Variants in SLC14A2 observed in about 807,000 individuals in gnomAD.
The protein encoded by SLC14A2 is solute carrier family 14 member 2.
Under a neutral mutation model 104.6 loss-of-function variants are expected in SLC14A2, and 91 were observed. The ratio of observed to expected loss-of-function variants is 0.87; its 90% CI spans 0.73 to 1.04. SLC14A2 has a LOEUF of 1.04. Among genes scored for constraint, SLC14A2 ranks in the 50% least tolerant of loss-of-function variants. SLC14A2 has a pLI of 0.00. For synonymous variants in SLC14A2, 476 were observed against 466.4 expected (o/e 1.02, Z -0.27); for missense variants, 1,189 against 1,156.0 (o/e 1.03, Z -0.41).
In SLC14A2 at chr18:45,566,515, GCACACA is replaced by G. The variant is rs66828313; in HGVS notation, c.-34-58089_-34-58084del. On this transcript the variant is annotated intron_variant, in intron 2 of 20. Coordinates refer to the SLC14A2 transcript ENST00000586448. ...CATGCATGTACATGCGCTCACGCTC[GCACACA>G]CACACACACACACACACACACACAC... Among the ~76,000 whole-genome samples, 355 of 150,070 alleles carry G rather than the reference GCACACA, an allele frequency of 2.4e-3. 4 individuals carry two copies. The highest frequency in any genetic ancestry group is 6.8e-3 in the African/African-American group (279 of 40,846).
At chr18:45,354,077 G>A (rs575553728) in intron 1 of SLC14A2, among the ~76,000 whole-genome samples, 118 of 152,180 alleles carry the variant, frequency 7.8e-4, no homozygotes, top group African/African-American at 2.7e-3. Context: ...GTAATTTTTC[G>A]CAGGGGGTAG....
intron 11 of SLC14A2, among the ~76,000 whole-genome samples, chr18:45,664,149 A>G (rs747848583): frequency 1.1e-4 from 16 of 152,178 alleles, no homozygotes; most frequent in African/African-American, 1.7e-4. Flanking sequence ...CTGGCTGCAC[A>G]TTGGAATCAC....
intron 1 of SLC14A2, among the ~76,000 whole-genome samples, chr18:45,314,182 T>C (rs915416889): frequency 2.6e-5 from 4 of 152,194 alleles, no homozygotes; most frequent in Non-Finnish European, 4.4e-5. Flanking sequence ...TTGCCCTTGA[T>C]CATGAGGGTG....
At chr18:45,212,350 G>A (rs533833983), upstream of SLC14A2, among the ~76,000 whole-genome samples, 3 of 152,188 alleles carry the variant, frequency 2.0e-5, no homozygotes, top group South Asian at 6.2e-4. Context: ...AGCAGAACTG[G>A]ATTTTAATCC....
At chr18:45,276,769 AC>A (rs922280501) in intron 1 of SLC14A2, among the ~76,000 whole-genome samples, 12 of 152,172 alleles carry the variant, frequency 7.9e-5, no homozygotes, top group Non-Finnish European at 1.6e-4. Context: ...TTGGTCTGCA[AC>A]CTCCAATGCA....
the SLC14A2 span, among the ~76,000 whole-genome samples, chr18:45,183,055 T>A: frequency 2.0e-5 from 3 of 152,224 alleles, no homozygotes; most frequent in Non-Finnish European, 2.9e-5. Flanking sequence ...ATTAGAATTA[T>A]GAACAGTTAG....
At chr18:45,408,629 G>A (rs920584344) in intron 1 of SLC14A2, among the ~76,000 whole-genome samples, 11 of 152,164 alleles carry the variant, frequency 7.2e-5, no homozygotes, top group Non-Finnish European at 2.9e-5. Flanking sequence ...GTGGATTAAT[G>A]AGGCCATTAA....
At position 45,322,697 on chromosome 18, in the gene SLC14A2, T is replaced by G. The variant is rs73429937; in HGVS notation, c.-125+109506T>G. Reference sequence around the variant, plus strand: ...AACTCTCATGAGGTATCTGGTCCATTCCTCTCCTAATATGGATTAGCAAAA... The same window carrying G: ...AACTCTCATGAGGTATCTGGTCCATGCCTCTCCTAATATGGATTAGCAAAA... On this transcript the variant is annotated intron_variant, in intron 1 of 20. Coordinates refer to the SLC14A2 transcript ENST00000586448. Among the ~76,000 whole-genome samples the G allele has an allele frequency of 8.4e-3, 1,275 of 152,300 alleles. 22 individuals carry two copies. The highest frequency in any genetic ancestry group is 0.029 in the African/African-American group (1,203 of 41,556).
At position 45,644,133 on chromosome 18, in the gene SLC14A2, A is replaced by C; in HGVS notation, c.1324A>C (p.Ser442Arg). 6.2e-7 allele frequency: 1 copy of C among 1,614,206 alleles called. No homozygotes were observed. Among genetic ancestry groups the C allele is most frequent in the Non-Finnish European group, 8.5e-7 (1 of 1,180,038 alleles). Reference protein sequence around the residue: ...ANRIYYLTVKSGEEEKAPSGG... With the variant: ...ANRIYYLTVKRGEEEKAPSGG... ...CCGCATCTACTACCTGACAGTGAAA[A>C]GCGGTGAAGAAGAGAAGGCCCCCAG... The change falls in exon 10 of 20, where the codon AGC becomes CGC. Residue 442 changes from serine to arginine, a missense_variant. Ser to Arg is a moderately radical substitution (Grantham distance 110, BLOSUM62 -1). Transcript: ENST00000255226.
chr18:45,420,421 C>T (rs2086330657), intron 1 of SLC14A2, among the ~76,000 whole-genome samples: 1 of 152,058 alleles, frequency 6.6e-6, no homozygotes, highest in South Asian at 2.1e-4. Flanking sequence ...AATAAAGATC[C>T]ACAGATCCAC....
At chr18:45,248,960 G>T (rs2084394183) in intron 1 of SLC14A2, among the ~76,000 whole-genome samples, 1 of 152,148 alleles carries the variant, frequency 6.6e-6, no homozygotes, top group Non-Finnish European at 1.5e-5. Flanking sequence ...TGAGTGAAAT[G>T]ATATTTTCAT....
At chr18:45,424,709 C>G (rs897266603) in intron 1 of SLC14A2, among the ~76,000 whole-genome samples, 4 of 152,196 alleles carry the variant, frequency 2.6e-5, no homozygotes, top group African/African-American at 9.7e-5. Context: ...GTCACTGAAG[C>G]TCCAAGAAGG....
intron 1 of SLC14A2, among the ~76,000 whole-genome samples, chr18:45,235,608 T>C (rs562945149): frequency 6.6e-6 from 1 of 151,894 alleles, no homozygotes; most frequent in Non-Finnish European, 1.5e-5. Context: ...GTAGCTACTA[T>C]TCTACTCTCT....
chr18:45,220,450 C>T (rs1029983519), intron 1 of SLC14A2, among the ~76,000 whole-genome samples: 2 of 152,136 alleles, frequency 1.3e-5, no homozygotes, highest in Non-Finnish European at 2.9e-5. Context: ...GTTTAGCAAA[C>T]AAAAAATGTT....
intron 2 of SLC14A2, among the ~76,000 whole-genome samples, chr18:45,582,760 C>G (rs1490271869): frequency 6.6e-6 from 1 of 152,152 alleles, no homozygotes; most frequent in Non-Finnish European, 1.5e-5. Flanking sequence ...GTCATTCCCA[C>G]ACTGATGTCA....
intron 1 of SLC14A2, among the ~76,000 whole-genome samples, chr18:45,418,856 A>G (rs1430047798): frequency 3.9e-5 from 6 of 152,202 alleles, no homozygotes; most frequent in Admixed American, 3.9e-4. Context: ...AAAAAAAGGC[A>G]TCTCCATTTT....
At chr18:45,475,619 G>GATATATATATATATATTTAGGATATATAT (rs2087347543) in intron 1 of SLC14A2, among the ~76,000 whole-genome samples, 1 of 68,278 alleles carries the variant, frequency 1.5e-5, no homozygotes, top group Non-Finnish European at 2.9e-5. Context: ...ATATATTTAG[G>GATATATATATATATATTTAGGATATATAT]ATATATATAT....
At chr18:45,644,603 T>C (rs1253610442) in intron 10 of SLC14A2, among the ~76,000 whole-genome samples, 2 of 152,106 alleles carry the variant, frequency 1.3e-5, no homozygotes, top group African/African-American at 4.8e-5. Flanking sequence ...GGGAAGGCTC[T>C]CTAGTGGCTG....
chr18:45,650,940 T>G (rs973029033), intron 10 of SLC14A2, among the ~76,000 whole-genome samples: 1 of 151,964 alleles, frequency 6.6e-6, no homozygotes, highest in Non-Finnish European at 1.5e-5. Context: ...GGTTTCACCA[T>G]GTTGGCCGGG....
Sources: allele counts gnomAD v4.1 joint callset (sites outside exome capture counted in the v4.1 genomes callset), GRCh38; gene constraint gnomAD v4.1.1; transcripts MANE v1.5; gene names NCBI Gene and HGNC (gene_info 2026-07-23, HGNC 2026-07-21).